EEPD1: variants seen among roughly 807,000 people sequenced by gnomAD.
EEPD1 encodes the protein endonuclease/exonuclease/phosphatase family domain containing 1, also known as endonuclease/exonuclease/phosphatase family domain-containing protein 1.
A neutral mutation model predicts 46.3 loss-of-function variants in EEPD1; 17 were observed. The ratio of observed to expected loss-of-function variants is 0.37; its 90% confidence interval spans 0.25 to 0.55. EEPD1 has a LOEUF of 0.55. EEPD1 is among the 20% of genes least tolerant of loss of function. The pLI is 0.83. For synonymous variants in EEPD1, 313 were observed against 315.6 expected, an observed-to-expected ratio of 0.99 and a Z score of 0.09; for missense variants, 673 against 745.6, an observed-to-expected ratio of 0.90 and a Z score of 1.13.
intron 2 of EEPD1, among the ~76,000 whole-genome samples, chr7:36,183,752 A>G (rs1232148274): frequency 1.3e-5 from 2 of 152,046 alleles, no homozygotes; most frequent in Non-Finnish European, 2.9e-5. Flanking sequence ...TTCCCACCTC[A>G]GCCTCCCAAA....
At chr7:36,220,649 A>G (rs893821983) in intron 2 of EEPD1, among the ~76,000 whole-genome samples, 1 of 151,814 alleles carries the variant, frequency 6.6e-6, no homozygotes, top group Admixed American at 6.6e-5. Flanking sequence ...AATGGCATCG[A>G]CTCCATCTCA....
chr7:36,208,280 G>A (rs1327023632), intron 2 of EEPD1, among the ~76,000 whole-genome samples: 1 of 152,184 alleles, frequency 6.6e-6, no homozygotes, highest in Non-Finnish European at 1.5e-5. Context: ...CAAACCAGGA[G>A]GACTTCATGC....
chr7:36,165,312 T>C (rs1048786488), intron 2 of EEPD1, among the ~76,000 whole-genome samples: 3 of 152,026 alleles, frequency 2.0e-5, no homozygotes, highest in East Asian at 1.9e-4. Context: ...TAACATACCA[T>C]GTAGGTTTAT....
At chr7:36,185,380 G>A (rs1211191823) in intron 2 of EEPD1, among the ~76,000 whole-genome samples, 2 of 152,214 alleles carry the variant, frequency 1.3e-5, no homozygotes, top group Non-Finnish European at 2.9e-5. Context: ...GTATCCCACA[G>A]TTTACTTATT....
intron 4 of EEPD1, among the ~76,000 whole-genome samples, chr7:36,281,881 TA>T (rs1414233274): frequency 1.3e-5 from 2 of 152,256 alleles, no homozygotes; most frequent in African/African-American, 4.8e-5. Flanking sequence ...AATTTTCCTA[TA>T]AATGCAGATT....
At chr7:36,219,314 G>T (rs17273471) in intron 2 of EEPD1, among the ~76,000 whole-genome samples, 1 of 149,910 alleles carries the variant, frequency 6.7e-6, no homozygotes, top group East Asian at 1.9e-4. Context: ...GCCTAAACTC[G>T]TGGTCATTTT....
In EEPD1 at chr7:36,167,776, C is replaced by T. The variant is rs367886136; in HGVS notation, c.878+12574C>T. ...TGTGGCCCAGGCTGAAGTGCAGTGG[C>T]GCCATCTCAGCTCAGTGCAACCTGT... On this transcript the variant is annotated intron_variant, in intron 2 of 7. Coordinates refer to ENST00000242108, the MANE Select transcript of EEPD1 (RefSeq NM_030636.3). Among the ~76,000 whole-genome samples the T allele has an allele frequency of 4.6e-5, 7 of 152,158 alleles. No homozygotes were observed. In the South Asian group the frequency reaches 1.5e-3, roughly 32 times the overall value.
At chr7:36,160,556 C>T (rs888236705) in intron 2 of EEPD1, among the ~76,000 whole-genome samples, 1 of 151,996 alleles carries the variant, frequency 6.6e-6, no homozygotes, top group Admixed American at 6.6e-5. Flanking sequence ...AGAGCAAGGC[C>T]AGGCCAGATC....
At chr7:36,266,958 T>C (rs1583471972) in intron 3 of EEPD1, among the ~76,000 whole-genome samples, 1 of 152,238 alleles carries the variant, frequency 6.6e-6, no homozygotes, top group East Asian at 1.9e-4. Context: ...CCACATTGTG[T>C]TTCTCCATTC....
intron 7 of EEPD1, 122 bp from the exon 8 acceptor site, chr7:36,298,885 G>A: frequency 2.7e-6 from 3 of 1,124,320 alleles, no homozygotes; most frequent in Non-Finnish European, 3.9e-6. Context: ...GCTACCTGAG[G>A]CAGCCTCTCC....
rs1787363798 is a variant in EEPD1 at position 36,287,779 on chromosome 7, T to C, written c.1315+2T>C. 6.2e-7 allele frequency: 1 copy of C among 1,613,238 alleles called. No homozygotes were observed. Among genetic ancestry groups the C allele is most frequent in the South Asian group, 1.1e-5 (1 of 91,026 alleles). ...AGACCCTACAGGAAACCCTGAAAGG[T>C]AGGACATTGTCTTTTGCTGTGACTC... is the stretch of plus-strand genomic sequence containing the variant. On this transcript the variant is annotated splice_donor_variant, in intron 6 of 7. Transcript: ENST00000242108. LOFTEE classifies it high-confidence loss of function.
chr7:36,216,112 G>A (rs144656359), intron 2 of EEPD1, among the ~76,000 whole-genome samples: 2 of 152,208 alleles, frequency 1.3e-5, no homozygotes, highest in African/African-American at 4.8e-5. Context: ...AGTTAGATTT[G>A]GGAATCTAAA....
intron 6 of EEPD1, among the ~76,000 whole-genome samples, chr7:36,290,296 C>T (rs1322632071): frequency 2.6e-5 from 4 of 152,204 alleles, no homozygotes; most frequent in Admixed American, 2.6e-4. Flanking sequence ...TCCAAATTGC[C>T]AAGGTACTAT....
chr7:36,245,237 C>T (rs1312389650), intron 3 of EEPD1, among the ~76,000 whole-genome samples: 1 of 152,106 alleles, frequency 6.6e-6, no homozygotes, highest in Non-Finnish European at 1.5e-5. Context: ...CATGAGCTAC[C>T]GCGCCTGGCC....
chr7:36,236,519 C>G (rs762270419), intron 2 of EEPD1, among the ~76,000 whole-genome samples: 17 of 152,226 alleles, frequency 1.1e-4, no homozygotes, highest in Non-Finnish European at 2.4e-4. Context: ...GGGACGAGCT[C>G]CCTCTGGGCT....
At chr7:36,184,200 C>T (rs1184280706) in intron 2 of EEPD1, among the ~76,000 whole-genome samples, 1 of 152,116 alleles carries the variant, frequency 6.6e-6, no homozygotes, top group African/African-American at 2.4e-5. Context: ...TGGCCACTAA[C>T]ATTTGAATGT....
chr7:36,269,884 G>A (rs1198187222), intron 3 of EEPD1, among the ~76,000 whole-genome samples: 1 of 152,222 alleles, frequency 6.6e-6, no homozygotes, highest in Non-Finnish European at 1.5e-5. Flanking sequence ...GGCATAGTGG[G>A]TGAAGTTTTA....
chr7:36,296,371 C>A (rs1445524448), intron 6 of EEPD1, among the ~76,000 whole-genome samples: 1 of 152,184 alleles, frequency 6.6e-6, no homozygotes, highest in South Asian at 2.1e-4. Context: ...ACCCACCCCA[C>A]CCCTGGGAAG....
chr7:36,255,030 G>T (rs887824812), intron 3 of EEPD1, among the ~76,000 whole-genome samples: 1 of 152,114 alleles, frequency 6.6e-6, no homozygotes, highest in African/African-American at 2.4e-5. Flanking sequence ...GTAGATTCTG[G>T]ATATTAGCCC....
Sources: gnomAD v4.1 joint callset for allele counts (sites outside exome capture counted in the v4.1 genomes callset) on GRCh38, gnomAD v4.1.1 for gene constraint, MANE v1.5 for transcripts, NCBI Gene and HGNC (gene_info 2026-07-23, HGNC 2026-07-21) for gene names.